Variants in LYPD6B observed in about 807,000 individuals in gnomAD.
LYPD6B encodes LY6/PLAUR domain containing 6B.
LYPD6B carries 17 observed loss-of-function variants against 22.8 expected under a neutral mutation model. That is an observed-to-expected ratio of 0.75 (90% CI 0.51 to 1.12). The LOEUF (loss-of-function observed/expected upper bound fraction) is 1.12, where lower values mean the gene tolerates loss of function less well. Ranked by LOEUF, LYPD6B falls within the 50% of genes most tolerant of loss-of-function variation. LYPD6B has a pLI of 0.00. For missense variants in LYPD6B, 221 were observed against 258.3 expected (o/e 0.86, Z 0.99); for synonymous variants, 106 against 91.6 (o/e 1.16, Z -0.90).
intron 3 of LYPD6B, among the ~76,000 whole-genome samples, chr2:149,185,055 A>G (rs2106015402): frequency 6.6e-6 from 1 of 152,254 alleles, no homozygotes; most frequent in South Asian, 2.1e-4. Flanking sequence ...ATGAAAGATT[A>G]CTCCTGCCAT....
chr2:149,044,620 G>T (rs536620063), intron 1 of LYPD6B, among the ~76,000 whole-genome samples: 52 of 151,868 alleles, frequency 3.4e-4, no homozygotes, highest in African/African-American at 1.2e-3. Flanking sequence ...TATTGCACTG[G>T]CTAAGAATTG....
At chr2:149,163,505 CATGGCTG>C (rs1414411935) in intron 3 of LYPD6B, among the ~76,000 whole-genome samples, 2 of 152,206 alleles carry the variant, frequency 1.3e-5, no homozygotes, top group Non-Finnish European at 2.9e-5. Flanking sequence ...CCTTTAGCAT[CATGGCTG>C]TCCAGCTTAT....
chr2:149,072,180 C>T (rs528841880), intron 1 of LYPD6B, among the ~76,000 whole-genome samples: 117 of 152,260 alleles, frequency 7.7e-4, no homozygotes, highest in South Asian at 2.3e-3. Flanking sequence ...GATCTGCCCT[C>T]CTCAGTCTCC....
intron 1 of LYPD6B, among the ~76,000 whole-genome samples, chr2:149,098,527 T>C (rs1686016195): frequency 6.7e-6 from 1 of 149,890 alleles, no homozygotes. Flanking sequence ...CTCTGGAGGC[T>C]GAGGCAGGAG....
At chr2:149,187,336 T>C in intron 3 of LYPD6B, 1 of 1,327,204 alleles carries the variant, frequency 7.5e-7, no homozygotes, top group Admixed American at 3.4e-5. Flanking sequence ...ATATATTTAA[T>C]TATTTATGCC....
chr2:149,210,398 A>G (rs1427962596), intron 5 of LYPD6B, among the ~76,000 whole-genome samples: 1 of 152,188 alleles, frequency 6.6e-6, no homozygotes, highest in Non-Finnish European at 1.5e-5. Context: ...ATGGCCCTGC[A>G]TTCCAGCATG....
intron 2 of LYPD6B, among the ~76,000 whole-genome samples, chr2:149,137,240 G>A (rs1688421749): frequency 6.6e-6 from 1 of 152,192 alleles, no homozygotes; most frequent in Non-Finnish European, 1.5e-5. Flanking sequence ...TGCAGTTAGT[G>A]TATATATCAA....
intron 2 of LYPD6B, among the ~76,000 whole-genome samples, chr2:149,157,149 A>G (rs1458902586): frequency 6.6e-6 from 1 of 152,166 alleles, no homozygotes; most frequent in Non-Finnish European, 1.5e-5. Context: ...GGCTAGCTTG[A>G]GATCCTTTGT....
chr2:149,142,933 G>T (rs920578744), intron 2 of LYPD6B, among the ~76,000 whole-genome samples: 1 of 152,098 alleles, frequency 6.6e-6, no homozygotes, highest in African/African-American at 2.4e-5. Context: ...TTTTACTTTA[G>T]AATAGTTATA....
At chr2:149,162,528 T>C (rs1690144047) in intron 3 of LYPD6B, among the ~76,000 whole-genome samples, 1 of 152,160 alleles carries the variant, frequency 6.6e-6, no homozygotes, top group Non-Finnish European at 1.5e-5. Context: ...TTCCCTTTTG[T>C]CCTGACCACC....
chr2:149,179,884 A>T (rs1033601527), intron 3 of LYPD6B, among the ~76,000 whole-genome samples: 19 of 152,266 alleles, frequency 1.2e-4, no homozygotes, highest in African/African-American at 4.1e-4. Context: ...CAAAACTGGT[A>T]GGAAATCGTT....
At chr2:149,106,272 CT>C (rs1402869913) in intron 1 of LYPD6B, among the ~76,000 whole-genome samples, 2 of 151,972 alleles carry the variant, frequency 1.3e-5, no homozygotes, top group Non-Finnish European at 2.9e-5. Context: ...TATATTTCTG[CT>C]TTTGGTATTA....
intron 1 of LYPD6B, among the ~76,000 whole-genome samples, chr2:149,105,667 T>C (rs1686438045): frequency 6.6e-6 from 1 of 152,182 alleles, no homozygotes; most frequent in Non-Finnish European, 1.5e-5. Flanking sequence ...TCCTACAGAC[T>C]GACTAAAGTC....
chr2:149,165,704 G>T (rs1016609253), intron 3 of LYPD6B, among the ~76,000 whole-genome samples: 2 of 152,146 alleles, frequency 1.3e-5, no homozygotes, highest in East Asian at 3.8e-4. Flanking sequence ...AACTTCCCTC[G>T]AAGTCATACA....
chr2:149,160,027 G>A (rs992787176), intron 2 of LYPD6B, among the ~76,000 whole-genome samples: 1 of 151,822 alleles, frequency 6.6e-6, no homozygotes, highest in Non-Finnish European at 1.5e-5. Context: ...GGTGGTACAT[G>A]CCTGAAGTCC....
intron 1 of LYPD6B, among the ~76,000 whole-genome samples, chr2:149,065,796 C>T (rs1684292046): frequency 6.6e-6 from 1 of 152,176 alleles, no homozygotes; most frequent in Admixed American, 6.5e-5. Flanking sequence ...GCAATCTCCA[C>T]CTCCCAGGCT....
chr2:149,093,462 A>G (rs1241767593), intron 1 of LYPD6B, among the ~76,000 whole-genome samples: 2 of 152,192 alleles, frequency 1.3e-5, no homozygotes, highest in Admixed American at 6.5e-5. Flanking sequence ...AAGTAAGAGT[A>G]GTCTACTGTC....
chr2:149,205,899 T>C (rs1369832364), intron 4 of LYPD6B: 1 of 300,710 alleles, frequency 3.3e-6, no homozygotes, highest in Non-Finnish European at 6.9e-6. Flanking sequence ...TTTCCACTAA[T>C]AGTTTAAAGA....
intron 3 of LYPD6B, among the ~76,000 whole-genome samples, chr2:149,179,093 G>A (rs753758856): frequency 3.9e-5 from 6 of 152,282 alleles, no homozygotes; most frequent in Non-Finnish European, 2.9e-5. Flanking sequence ...GGCAGGAGAC[G>A]AGTGCATGCT....
Sources: allele counts gnomAD v4.1 joint callset (sites outside exome capture counted in the v4.1 genomes callset), GRCh38; gene constraint gnomAD v4.1.1; transcripts MANE v1.5; gene names NCBI Gene and HGNC (gene_info 2026-07-23, HGNC 2026-07-21).